SRL: variants seen among roughly 807,000 people sequenced by gnomAD.
SRL encodes the protein sarcalumenin.
Under a neutral mutation model 39.5 loss-of-function variants are expected in SRL, and 23 were observed. The ratio of observed to expected loss-of-function variants is 0.58; its 90% CI spans 0.42 to 0.82. SRL has a LOEUF of 0.82. Ranked by LOEUF, SRL falls within the 40% of genes least tolerant of loss-of-function variation. The probability of loss-of-function intolerance (pLI) is 0.00; values close to 1 mark genes in which losing one functional copy is unlikely to be tolerated. For missense variants in SRL, 592 were observed against 607.8 expected (o/e 0.97, Z 0.27); for synonymous variants, 272 against 237.4 (o/e 1.15, Z -1.34).
chr16:4,203,760 G>A lies in SRL; in HGVS notation c.164-499C>T, dbSNP rs940760546. Among the ~76,000 whole-genome samples, 108 of 152,098 alleles carry A rather than the reference G, an allele frequency of 7.1e-4. 3 individuals are homozygous for A. The highest frequency in any genetic ancestry group is 2.5e-3 in the African/African-American group (105 of 41,398). On this transcript the variant is annotated intron_variant, in intron 2 of 5. Transcript: ENST00000399609. Reference sequence around the variant, plus strand: ...TGTGTCTGAAACCTTGTCTCGGCCTGCTGCCTCACTGCAAGCCCTTTCTTT... The same window carrying A: ...TGTGTCTGAAACCTTGTCTCGGCCTACTGCCTCACTGCAAGCCCTTTCTTT...
chr16:4,194,769 C>T (rs2141021937), intron 5 of SRL, among the ~76,000 whole-genome samples: 1 of 152,266 alleles, frequency 6.6e-6, no homozygotes, highest in African/African-American at 2.4e-5. Context: ...CTCCAAAACC[C>T]AGATGGCATC....
chr16:4,212,267 G>C (rs1166849255), intron 1 of SRL, among the ~76,000 whole-genome samples: 1 of 152,162 alleles, frequency 6.6e-6, no homozygotes, highest in Non-Finnish European at 1.5e-5. Context: ...CTTTCTCCCA[G>C]GCTAAAAATA....
chr16:4,226,472 C>T (rs553023906), intron 1 of SRL, among the ~76,000 whole-genome samples: 47 of 144,154 alleles, frequency 3.3e-4, no homozygotes, highest in Admixed American at 1.7e-3. Flanking sequence ...GAAGGATAGA[C>T]GGATGAATGG....
chr16:4,189,976 G>C lies in SRL; in HGVS notation c.*2177C>G. 3.5e-6 allele frequency: 1 copy of C among 286,444 alleles called. No individual in the cohort carries two copies. Among genetic ancestry groups the C allele is most frequent in the Non-Finnish European group, 6.4e-6 (1 of 155,248 alleles). The allele number at this position is 286,444 out of a possible 1,614,324, so 17.7% of individuals were successfully genotyped here. ...GCGAGGGGTTCTGGGGTTTGCGGAG[G>C]GTGGTTAATGAGAAGAAAAGTCCAG... On this transcript the variant is annotated 3_prime_UTR_variant, in exon 6 of 6. Transcript: ENST00000399609.
chr16:4,214,770 CTT>C (rs766418227), intron 1 of SRL, among the ~76,000 whole-genome samples: 29 of 140,978 alleles, frequency 2.1e-4, no homozygotes, highest in Admixed American at 2.2e-4. Flanking sequence ...TGCTCTTCCA[CTT>C]TTTTTTTTTT....
chr16:4,231,404 T>G (rs1211937760), intron 1 of SRL, among the ~76,000 whole-genome samples: 1 of 152,160 alleles, frequency 6.6e-6, no homozygotes, highest in Non-Finnish European at 1.5e-5. Flanking sequence ...AACCAACACC[T>G]AAGCCTGGCG....
chr16:4,219,358 G>T (rs1010873848), intron 1 of SRL, among the ~76,000 whole-genome samples: 3 of 152,226 alleles, frequency 2.0e-5, no homozygotes, highest in African/African-American at 4.8e-5. Context: ...CCCCTGGATT[G>T]CTCATCTGTC....
intron 2 of SRL, 41 bp from the exon 3 acceptor site, chr16:4,203,302 G>A (rs2052263985): frequency 1.9e-6 from 3 of 1,560,036 alleles, no homozygotes; most frequent in East Asian, 2.2e-5. Flanking sequence ...TCACGCAGGT[G>A]CGATCCAGGC....
chr16:4,196,372 A>C (rs916296401), intron 4 of SRL, among the ~76,000 whole-genome samples: 1 of 151,400 alleles, frequency 6.6e-6, no homozygotes, highest in Non-Finnish European at 1.5e-5. Context: ...TATCTTCCCA[A>C]CTGAAAACTC....
At position 4,189,428 on chromosome 16, in the gene SRL, C is replaced by G. The variant is rs561664016; in HGVS notation, c.*2725G>C. ...TGATGAAATCAGAACCAAAAGAACACTGGAAAGGTTCTGCCACTGTCCAGG... is the reference window on the plus strand; with the variant it reads ...TGATGAAATCAGAACCAAAAGAACAGTGGAAAGGTTCTGCCACTGTCCAGG... On this transcript the variant is annotated 3_prime_UTR_variant, in exon 6 of 6. Coordinates refer to ENST00000399609, the MANE Select transcript of SRL (RefSeq NM_001098814.2). The G allele has an allele frequency of 6.6e-6, 1 of 152,210 alleles. No individual in the cohort carries two copies. The highest frequency in any genetic ancestry group is 1.5e-5 in the Non-Finnish European group (1 of 68,048). The allele number at this position is 152,210 out of a possible 1,614,324, so 9.4% of individuals were successfully genotyped here.
chr16:4,204,693 G>A, intron 1 of SRL, 59 bp from the exon 2 acceptor site: 2 of 1,511,230 alleles, frequency 1.3e-6, no homozygotes, highest in African/African-American at 1.4e-5. Context: ...TGAGCTCTGG[G>A]CCCCGGCACA....
chr16:4,195,879 A>G, intron 4 of SRL, 93 bp from the exon 5 acceptor site: 1 of 1,039,862 alleles, frequency 9.6e-7, no homozygotes, highest in Non-Finnish European at 1.4e-6. Flanking sequence ...TCACAGGGAG[A>G]CTTTTGCAAC....
chr16:4,205,401 G>C (rs2052305920), intron 1 of SRL, among the ~76,000 whole-genome samples: 1 of 152,134 alleles, frequency 6.6e-6, no homozygotes, highest in Admixed American at 6.5e-5. Context: ...GGGCAAAAGA[G>C]GGAGACCCTG....
intron 1 of SRL, among the ~76,000 whole-genome samples, chr16:4,222,605 C>T (rs1483222167): frequency 6.6e-6 from 1 of 151,910 alleles, no homozygotes; most frequent in East Asian, 1.9e-4. Context: ...CTGTGTCCCT[C>T]CATAGATGAG....
In SRL at chr16:4,233,993, TTC is replaced by T. The variant is rs966438902; in HGVS notation, c.61+8012_61+8013del. Among the ~76,000 whole-genome samples, 5 of 152,008 alleles carry T rather than the reference TTC, an allele frequency of 3.3e-5. 1 individual carries two copies. Among genetic ancestry groups the T allele is most frequent in the South Asian group, 4.2e-4 (2 of 4,818 alleles). On this transcript the variant is annotated intron_variant, in intron 1 of 5. Transcript: ENST00000399609. ...GGCCATGGCCTGCATTCATTCTGTG[TTC>T]TCTCTCTCTTTTTTTTAAATATGGG...
At chr16:4,203,010 C>T (rs998706474) in intron 3 of SRL, among the ~76,000 whole-genome samples, 156 bp downstream of exon 3, 4 of 152,190 alleles carry the variant, frequency 2.6e-5, no homozygotes, top group Non-Finnish European at 5.9e-5. Context: ...CAGGGGGAGC[C>T]CAGACCCAGA....
chr16:4,199,306 T>C (rs2052189404), intron 3 of SRL, among the ~76,000 whole-genome samples: 1 of 152,022 alleles, frequency 6.6e-6, no homozygotes, highest in Admixed American at 6.6e-5. Flanking sequence ...TTCTTACATG[T>C]TATTTTAGAC....
At chr16:4,217,260 CT>C in intron 1 of SRL, among the ~76,000 whole-genome samples, 1 of 152,120 alleles carries the variant, frequency 6.6e-6, no homozygotes, top group African/African-American at 2.4e-5. Flanking sequence ...TACTCTTTTT[CT>C]TTTTTTACAG....
chr16:4,224,730 A>G (rs773426769), intron 1 of SRL, among the ~76,000 whole-genome samples: 3 of 152,116 alleles, frequency 2.0e-5, no homozygotes, highest in Non-Finnish European at 4.4e-5. Flanking sequence ...GAGAAAAAAA[A>G]AAAGAAAAAA....
Sources: gnomAD v4.1 joint callset for allele counts (sites outside exome capture counted in the v4.1 genomes callset) on GRCh38, gnomAD v4.1.1 for gene constraint, MANE v1.5 for transcripts, NCBI Gene and HGNC (gene_info 2026-07-23, HGNC 2026-07-21) for gene names.